Variants in GMEB2 observed in about 807,000 individuals in gnomAD.
GMEB2 encodes glucocorticoid modulatory element binding protein 2.
Under a neutral mutation model 45.7 loss-of-function variants are expected in GMEB2, and 7 were observed. The observed-to-expected ratio is 0.15, with a 90% CI of 0.09 to 0.29. GMEB2 has a LOEUF of 0.29. Ranked by LOEUF, GMEB2 falls within the 10% of genes least tolerant of loss-of-function variation. GMEB2 has a pLI of 1.00. For synonymous variants in GMEB2, 322 were observed against 323.6 expected (o/e 1.00, Z 0.05); for missense variants, 582 against 739.2 (o/e 0.79, Z 2.47).
chr20:63,612,614 G>T (rs1047231729), intron 2 of GMEB2, among the ~76,000 whole-genome samples: 46 of 152,194 alleles, frequency 3.0e-4, no homozygotes, highest in Non-Finnish European at 5.3e-4. Flanking sequence ...TGGTGATGTC[G>T]CTTGCGTCAA....
chr20:63,594,204 G>A (rs1278128101), intron 6 of GMEB2, among the ~76,000 whole-genome samples: 1 of 152,240 alleles, frequency 6.6e-6, no homozygotes, highest in African/African-American at 2.4e-5. Context: ...CTGCACAGTA[G>A]CCAAGTCAAT....
intron 1 of GMEB2, among the ~76,000 whole-genome samples, chr20:63,620,192 C>T (rs1410919142): frequency 6.6e-6 from 1 of 152,256 alleles, no homozygotes; most frequent in Non-Finnish European, 1.5e-5. Context: ...AGGCACCATG[C>T]CTGGCCTGCC....
chr20:63,600,665 C>A (rs1191299415), intron 4 of GMEB2, among the ~76,000 whole-genome samples: 2 of 145,868 alleles, frequency 1.4e-5, no homozygotes, highest in Non-Finnish European at 3.0e-5. Flanking sequence ...TTGCGGTGAG[C>A]CAAGATCGCG....
chr20:63,599,589 C>T (rs1021918263), intron 4 of GMEB2, among the ~76,000 whole-genome samples: 3 of 152,224 alleles, frequency 2.0e-5, no homozygotes, highest in Admixed American at 6.5e-5. Flanking sequence ...CGGGAGCTCA[C>T]GGCCGGCGGG....
intron 9 of GMEB2, among the ~76,000 whole-genome samples, chr20:63,591,073 A>G (rs1296999002): frequency 2.0e-5 from 3 of 152,210 alleles, no homozygotes; most frequent in Admixed American, 6.5e-5. Flanking sequence ...AGATCCCCGC[A>G]TGAGCTTTCA....
At chr20:63,596,949 A>G (rs879429626) in intron 5 of GMEB2, among the ~76,000 whole-genome samples, 3 of 152,086 alleles carry the variant, frequency 2.0e-5, no homozygotes, top group Non-Finnish European at 4.4e-5. Context: ...CCCAGGAGGC[A>G]GAGTTCGCAG....
At chr20:63,591,762 G>C (rs931314220) in intron 9 of GMEB2, among the ~76,000 whole-genome samples, 3 of 152,214 alleles carry the variant, frequency 2.0e-5, no homozygotes, top group Admixed American at 1.3e-4. Flanking sequence ...ACCGCGCCTG[G>C]CCTCTGTCAT....
intron 2 of GMEB2, among the ~76,000 whole-genome samples, chr20:63,606,244 G>A (rs994401858): frequency 2.0e-5 from 3 of 151,672 alleles, no homozygotes; most frequent in Admixed American, 6.6e-5. Context: ...AAGTGACAAA[G>A]GGTTTTCTCA....
At chr20:63,603,158 T>C (rs2083253724) in intron 3 of GMEB2, 66 bp from the exon 4 acceptor site, 3 of 1,550,272 alleles carry the variant, frequency 1.9e-6, no homozygotes, top group African/African-American at 1.4e-5. Flanking sequence ...CTTCAAAGCA[T>C]TTCCTGAAAA....
At chr20:63,611,658 G>A (rs1023602482) in intron 2 of GMEB2, among the ~76,000 whole-genome samples, 1 of 151,780 alleles carries the variant, frequency 6.6e-6, no homozygotes, top group Non-Finnish European at 1.5e-5. Context: ...GATCTCGCAA[G>A]GAACATTCCA....
chr20:63,591,613 A>G (rs2083147903), intron 9 of GMEB2, among the ~76,000 whole-genome samples: 1 of 151,948 alleles, frequency 6.6e-6, no homozygotes, highest in South Asian at 2.1e-4. Flanking sequence ...ACAGGCACAC[A>G]CCACCATGCC....
intron 2 of GMEB2, among the ~76,000 whole-genome samples, chr20:63,609,377 C>G (rs199921395): frequency 0.059 from 6,458 of 110,258 alleles, 116 homozygotes; most frequent in East Asian, 0.2. Flanking sequence ...ACATGCCCCT[C>G]TGACCTCACC....
At chr20:63,606,916 G>A (rs574049065) in intron 2 of GMEB2, among the ~76,000 whole-genome samples, 2 of 152,312 alleles carry the variant, frequency 1.3e-5, no homozygotes, top group South Asian at 2.1e-4. Context: ...GCGTTACCAC[G>A]CGTACGGGAG....
rs544720764 is a variant in GMEB2 at position 63,624,386 on chromosome 20, G to A, written c.-58+2570C>T. ...AGAGGTTGCAGCGAGCCAAGATTGT[G>A]CCACTGCACTCCAGCCTAGACAACA... is the stretch of plus-strand genomic sequence containing the variant. On this transcript the variant is annotated intron_variant, in intron 1 of 9. Transcript: ENST00000370077. Among the ~76,000 whole-genome samples, 8 of 150,584 alleles carry A rather than the reference G, an allele frequency of 5.3e-5. No individual in the cohort carries two copies. The South Asian group carries it at 1.7e-3, about 31-fold the overall frequency.
At chr20:63,597,356 G>T (rs150244766) in intron 5 of GMEB2, among the ~76,000 whole-genome samples, 13 of 151,174 alleles carry the variant, frequency 8.6e-5, no homozygotes, top group South Asian at 2.1e-4. Context: ...TAGAGATGAG[G>T]TCTCATTATT....
rs1051679248 is a variant in GMEB2 at position 63,616,165 on chromosome 20, C to T, written c.131+3102G>A. Among the ~76,000 whole-genome samples the T allele has an allele frequency of 3.9e-5, 6 of 152,242 alleles. No individual in the cohort carries two copies. The South Asian group carries it at 6.2e-4, about 16-fold the overall frequency. Reference sequence around the variant, plus strand: ...GCAAATTAGACACACACATGTGGGCCGGGTACAGTGGCTCGCGCCTGTAAT... The same window carrying T: ...GCAAATTAGACACACACATGTGGGCTGGGTACAGTGGCTCGCGCCTGTAAT... On this transcript the variant is annotated intron_variant, in intron 2 of 9. Coordinates refer to ENST00000370077, the MANE Select transcript of GMEB2 (RefSeq NM_012384.5).
rs1163865062 is a variant in GMEB2 at position 63,588,803 on chromosome 20, G to A, written c.*1286C>T. The A allele has an allele frequency of 5.0e-6, 2 of 398,600 alleles. No homozygotes were observed. The highest frequency in any genetic ancestry group is 8.8e-6 in the Non-Finnish European group (2 of 226,120). 24.7% of individuals were successfully genotyped at this position (398,600 alleles called of 1,614,324 possible). On this transcript the variant is annotated 3_prime_UTR_variant, in exon 10 of 10. Coordinates refer to ENST00000370077, the MANE Select transcript of GMEB2 (RefSeq NM_012384.5). ...TCCCGGGACATGCCCTGTTGGAGAC[G>A]GCAGGAGGCCTGGGCTGGCTGCTCC... is the stretch of plus-strand genomic sequence containing the variant.
In GMEB2 at chr20:63,588,465, G is replaced by A. The variant is rs1458747784; in HGVS notation, c.*1624C>T. On this transcript the variant is annotated 3_prime_UTR_variant, in exon 10 of 10. Transcript: ENST00000370077. ...ACTAGAGTGGAAATGAGTTTAAAACGGAGTATGTACATCAAAAGATCAACA... is the reference window on the plus strand; with the variant it reads ...ACTAGAGTGGAAATGAGTTTAAAACAGAGTATGTACATCAAAAGATCAACA... 2 of 308,318 alleles carry A rather than the reference G, an allele frequency of 6.5e-6. No homozygotes were observed. The highest frequency in any genetic ancestry group is 1.2e-5 in the Non-Finnish European group (2 of 168,656). 19.1% of individuals were successfully genotyped at this position (308,318 alleles called of 1,614,324 possible).
At position 63,588,539 on chromosome 20, in the gene GMEB2, G is replaced by C; in HGVS notation, c.*1550C>G. On this transcript the variant is annotated 3_prime_UTR_variant, in exon 10 of 10. Coordinates refer to ENST00000370077, the MANE Select transcript of GMEB2 (RefSeq NM_012384.5). ...GACAACAGCAAACAAAAATGTAACA[G>C]AGAAAACAAACAAGACACAGCCTCA... 2.5e-6 allele frequency: 1 copy of C among 395,364 alleles called. No homozygotes were observed. Among genetic ancestry groups the C allele is most frequent in the Non-Finnish European group, 4.5e-6 (1 of 224,474 alleles). The allele number at this position is 395,364 out of a possible 1,614,324, so 24.5% of individuals were successfully genotyped here.
Sources: gnomAD v4.1 joint callset for allele counts (sites outside exome capture counted in the v4.1 genomes callset) on GRCh38, gnomAD v4.1.1 for gene constraint, MANE v1.5 for transcripts, NCBI Gene and HGNC (gene_info 2026-07-23, HGNC 2026-07-21) for gene names.